Variants in XRCC5 observed in about 807,000 individuals in gnomAD.
XRCC5 encodes DNA repair protein Ku80.
XRCC5 carries 12 observed loss-of-function variants against 95.7 expected under a neutral mutation model. That is an observed-to-expected ratio of 0.13 (90% CI 0.08 to 0.20). The LOEUF is 0.20. Ranked by LOEUF, XRCC5 falls within the 10% of genes least tolerant of loss-of-function variation. The pLI is 1.00. For missense variants in XRCC5, 595 were observed against 873.9 expected (o/e 0.68, Z 4.02); for synonymous variants, 281 against 290.3 (o/e 0.97, Z 0.33).
rs187504756 is a variant in XRCC5 at position 216,122,016 on chromosome 2, C to G, written c.492-46C>G. On this transcript the variant is annotated intron_variant, in intron 5 of 20. Transcript: ENST00000392132. ...TCATTTTCTCATAGCTGATGAGTTA[C>G]AGTTACAGGATTAGAACACTAACTA... The G allele has an allele frequency of 9.8e-4, 1,451 of 1,485,784 alleles. 2 individuals are homozygous for G. The highest frequency in any genetic ancestry group is 1.2e-3 in the Non-Finnish European group (1,368 of 1,102,832). The allele number at this position is 1,485,784 out of a possible 1,614,324, so 92.0% of individuals were successfully genotyped here.
chr2:216,180,095 A>T (rs1689355467), intron 16 of XRCC5, among the ~76,000 whole-genome samples: 2 of 152,220 alleles, frequency 1.3e-5, no homozygotes, highest in South Asian at 2.1e-4. Flanking sequence ...GAAGATGGTC[A>T]TGCAGGTCTG....
chr2:216,196,126 A>G (rs1689713819), intron 19 of XRCC5, among the ~76,000 whole-genome samples: 1 of 152,148 alleles, frequency 6.6e-6, no homozygotes, highest in Admixed American at 6.5e-5. Context: ...TTTTCAACTC[A>G]AGAAAGGCAT....
intron 14 of XRCC5, among the ~76,000 whole-genome samples, chr2:216,149,724 A>G (rs1688708069): frequency 6.6e-6 from 1 of 152,132 alleles, no homozygotes; most frequent in Admixed American, 6.6e-5. Flanking sequence ...TAGTTAAAAA[A>G]GCACACCACC....
At chr2:216,141,540 C>CTTTTTCTTTTTTTTT (rs1697169626) in intron 13 of XRCC5, among the ~76,000 whole-genome samples, 1 of 65,006 alleles carries the variant, frequency 1.5e-5, no homozygotes, top group African/African-American at 7.4e-5. Flanking sequence ...TCTTTCTTTT[C>CTTTTTCTTTTTTTTT]TTTTTTTTTT....
At chr2:216,146,668 G>A (rs1485589456) in intron 13 of XRCC5, among the ~76,000 whole-genome samples, 1 of 152,124 alleles carries the variant, frequency 6.6e-6, no homozygotes, top group Non-Finnish European at 1.5e-5. Context: ...TCCTTTTAGA[G>A]CATTTCCTTT....
intron 14 of XRCC5, among the ~76,000 whole-genome samples, chr2:216,150,023 A>G (rs1437686940): frequency 6.6e-6 from 1 of 152,212 alleles, no homozygotes; most frequent in Non-Finnish European, 1.5e-5. Flanking sequence ...GTATTCAAGA[A>G]GAATGGTTCA....
At chr2:216,193,475 A>G (rs1405377018) in intron 18 of XRCC5, among the ~76,000 whole-genome samples, 2 of 152,246 alleles carry the variant, frequency 1.3e-5, no homozygotes, top group Non-Finnish European at 2.9e-5. Context: ...TGTGAATTCT[A>G]TATAAAAAGA....
intron 20 of XRCC5, among the ~76,000 whole-genome samples, chr2:216,204,751 T>C (rs943670970): frequency 7.2e-5 from 11 of 152,172 alleles, no homozygotes; most frequent in Non-Finnish European, 1.0e-4. Context: ...TTTGTGTGGG[T>C]TGACAAATGA....
chr2:216,113,512 G>A (rs1696632339), intron 2 of XRCC5, among the ~76,000 whole-genome samples: 1 of 152,178 alleles, frequency 6.6e-6, no homozygotes, highest in African/African-American at 2.4e-5. Context: ...CTTTTGCTGT[G>A]TAATAAACTA....
chr2:216,122,528 A>G (rs1281112771), intron 6 of XRCC5, among the ~76,000 whole-genome samples: 1 of 152,164 alleles, frequency 6.6e-6, no homozygotes, highest in Non-Finnish European at 1.5e-5. Context: ...GTCAAATTGC[A>G]AAAGATGAAA....
At chr2:216,171,887 C>G (rs557569579) in intron 16 of XRCC5, among the ~76,000 whole-genome samples, 2 of 152,142 alleles carry the variant, frequency 1.3e-5, no homozygotes, top group Non-Finnish European at 2.9e-5. Flanking sequence ...GAAGTAAAAT[C>G]TTCTACTATA....
intron 6 of XRCC5, among the ~76,000 whole-genome samples, chr2:216,122,877 G>T (rs917829349): frequency 6.6e-6 from 1 of 152,136 alleles, no homozygotes; most frequent in Non-Finnish European, 1.5e-5. Flanking sequence ...AAAGCAAACT[G>T]CTTTTTCAAC....
chr2:216,125,523 C>T (rs369639817), intron 6 of XRCC5, among the ~76,000 whole-genome samples: 4 of 152,214 alleles, frequency 2.6e-5, no homozygotes, highest in Admixed American at 6.5e-5. Flanking sequence ...TCCTCAGGTC[C>T]GTGGTTTTCA....
intron 16 of XRCC5, among the ~76,000 whole-genome samples, chr2:216,187,872 CT>C (rs1689536580): frequency 6.9e-6 from 1 of 144,506 alleles, no homozygotes; most frequent in African/African-American, 2.6e-5. Context: ...CCCCGTCTCC[CT>C]GTCTCTCCCT....
At chr2:216,109,750 C>T (rs1696551687) in intron 1 of XRCC5, among the ~76,000 whole-genome samples, 1 of 151,686 alleles carries the variant, frequency 6.6e-6, no homozygotes, top group Non-Finnish European at 1.5e-5. Context: ...CCTCCCCACC[C>T]GCCTCCCCTC....
intron 13 of XRCC5, among the ~76,000 whole-genome samples, chr2:216,147,040 TA>T (rs1208035066): frequency 2.0e-5 from 3 of 150,308 alleles, no homozygotes; most frequent in African/African-American, 7.4e-5. Flanking sequence ...ATGGAGCCTA[TA>T]AAAAATATAA....
intron 10 of XRCC5, among the ~76,000 whole-genome samples, chr2:216,136,589 C>CA (rs1013920463): frequency 6.6e-6 from 1 of 151,904 alleles, no homozygotes; most frequent in African/African-American, 2.4e-5. Context: ...TACTGTCAAA[C>CA]AAAAAAATCG....
chr2:216,188,657 T>C (rs41302508), intron 16 of XRCC5, among the ~76,000 whole-genome samples: 3 of 152,342 alleles, frequency 2.0e-5, no homozygotes, highest in African/African-American at 4.8e-5. Flanking sequence ...CTTTCTGTTA[T>C]CAAACATTTC....
chr2:216,200,395 T>C (rs1198242877), intron 19 of XRCC5, among the ~76,000 whole-genome samples: 2 of 152,214 alleles, frequency 1.3e-5, no homozygotes, highest in Non-Finnish European at 2.9e-5. Flanking sequence ...TCTTTGCTTT[T>C]TTCTGCTTTC....
Sources: gnomAD v4.1 joint callset for allele counts (sites outside exome capture counted in the v4.1 genomes callset) on GRCh38, gnomAD v4.1.1 for gene constraint, MANE v1.5 for transcripts, NCBI Gene and HGNC (gene_info 2026-07-23, HGNC 2026-07-21) for gene names.